The following SLC38A1 variants were observed in gnomAD, a reference collection of about 807,000 sequenced individuals.
SLC38A1 encodes sodium-coupled neutral amino acid symporter 1.
SLC38A1 carries 18 observed loss-of-function variants against 60.3 expected under a neutral mutation model. The observed-to-expected ratio is 0.30, with a 90% CI of 0.21 to 0.44. The LOEUF (loss-of-function observed/expected upper bound fraction) is 0.44, where lower values mean the gene tolerates loss of function less well. Ranked by LOEUF, SLC38A1 falls within the 20% of genes least tolerant of loss-of-function variation. The pLI is 1.00. For missense variants in SLC38A1, 448 were observed against 587.2 expected (o/e 0.76, Z 2.45); for synonymous variants, 196 against 212.1 (o/e 0.92, Z 0.66).
chr12:46,205,209 G>A (rs1939839711), intron 9 of SLC38A1, among the ~76,000 whole-genome samples: 1 of 151,988 alleles, frequency 6.6e-6, no homozygotes, highest in South Asian at 2.1e-4. Context: ...TTTCAACCCA[G>A]GGGAAGAGCT....
chr12:46,203,568 G>T (rs185556217), intron 11 of SLC38A1, among the ~76,000 whole-genome samples: 161 of 152,284 alleles, frequency 1.1e-3, no homozygotes, highest in African/African-American at 3.4e-3. Context: ...CCTCTGAAAA[G>T]AAAATCTGTT....
At chr12:46,250,174 T>C (rs1941784689) in intron 1 of SLC38A1, among the ~76,000 whole-genome samples, 1 of 152,148 alleles carries the variant, frequency 6.6e-6, no homozygotes, top group African/African-American at 2.4e-5. Flanking sequence ...GATGCAAGGT[T>C]GGTTCAACAT....
At chr12:46,214,401 C>A (rs377261007) in intron 5 of SLC38A1, among the ~76,000 whole-genome samples, 1 of 152,134 alleles carries the variant, frequency 6.6e-6, no homozygotes, top group East Asian at 1.9e-4. Context: ...CGTTATTTGT[C>A]AATGTTTTGA....
At position 46,196,182 on chromosome 12, in the gene SLC38A1, C is replaced by T. The variant is rs114140956; in HGVS notation, c.1362+1538G>A. 2.4e-4 allele frequency: 366 copies of T among 1,536,040 alleles called. No individual in the cohort carries two copies. In the African/African-American group the frequency reaches 3.1e-3, roughly 13 times the overall value. ...AGAACACAAGATTATAAGTTCCTTG[C>T]GCTTGAGCATGTTCAGTGAGAGCGC... On this transcript the variant is annotated intron_variant, in intron 16 of 16. Coordinates refer to ENST00000398637, the MANE Select transcript of SLC38A1 (RefSeq NM_030674.4).
At chr12:46,255,720 A>G (rs1489092727) in intron 1 of SLC38A1, among the ~76,000 whole-genome samples, 1 of 152,246 alleles carries the variant, frequency 6.6e-6, no homozygotes, top group Non-Finnish European at 1.5e-5. Context: ...ATTATGTACT[A>G]GGTGTGCAGC....
chr12:46,220,319 A>T (rs552615336), intron 5 of SLC38A1, among the ~76,000 whole-genome samples: 14 of 152,338 alleles, frequency 9.2e-5, no homozygotes, highest in African/African-American at 3.1e-4. Context: ...ACAGACTCTG[A>T]TGTCAATGAT....
At chr12:46,211,623 T>G (rs1940175371) in intron 5 of SLC38A1, among the ~76,000 whole-genome samples, 3 of 152,202 alleles carry the variant, frequency 2.0e-5, no homozygotes, top group Admixed American at 6.5e-5. Flanking sequence ...TTGAGCATCA[T>G]AAACTGCTAT....
chr12:46,224,658 CTTGGCT>C (rs1940796376), intron 5 of SLC38A1, among the ~76,000 whole-genome samples: 1 of 152,176 alleles, frequency 6.6e-6, no homozygotes, highest in Non-Finnish European at 1.5e-5. Context: ...CCAACTGCTT[CTTGGCT>C]TTGAGCAGTT....
In SLC38A1 at chr12:46,268,557, C is replaced by A; in HGVS notation, c.-240G>T. 6.0e-6 allele frequency: 1 copy of A among 166,428 alleles called. No individual in the cohort carries two copies. The highest frequency in any genetic ancestry group is 1.2e-4 in the South Asian group (1 of 8,692). The allele number at this position is 166,428 out of a possible 1,614,324, so 10.3% of individuals were successfully genotyped here. Reference sequence around the variant, plus strand: ...AAATAAAGGGAAAGGTGGCAAAAGGCGATGTGGAGGTGTCCGCCCTTCCGG... The same window carrying A: ...AAATAAAGGGAAAGGTGGCAAAAGGAGATGTGGAGGTGTCCGCCCTTCCGG... On this transcript the variant is annotated 5_prime_UTR_variant, in exon 1 of 17. Coordinates refer to ENST00000398637, the MANE Select transcript of SLC38A1 (RefSeq NM_030674.4). The surrounding 1 kb of genome is among the most constrained non-coding windows in gnomAD (Gnocchi z 4.4).
chr12:46,204,036 A>G (rs1939779187), intron 11 of SLC38A1, among the ~76,000 whole-genome samples: 1 of 152,228 alleles, frequency 6.6e-6, no homozygotes. Flanking sequence ...TTTTTGAAGT[A>G]TCACCTAGCA....
chr12:46,265,062 A>G (rs1345080896), intron 1 of SLC38A1, among the ~76,000 whole-genome samples: 1 of 152,258 alleles, frequency 6.6e-6, no homozygotes, highest in Non-Finnish European at 1.5e-5. Flanking sequence ...CCTCTGGTAG[A>G]TATGTTTAAT....
At chr12:46,236,595 T>C (rs1199264413) in intron 3 of SLC38A1, among the ~76,000 whole-genome samples, 1 of 152,126 alleles carries the variant, frequency 6.6e-6, no homozygotes, top group Non-Finnish European at 1.5e-5. Context: ...AGTCAACACA[T>C]AATTTGTAAT....
At chr12:46,232,810 C>A (rs1442644528) in intron 3 of SLC38A1, among the ~76,000 whole-genome samples, 3 of 152,140 alleles carry the variant, frequency 2.0e-5, no homozygotes, top group Non-Finnish European at 4.4e-5. Context: ...CTCCTGTATA[C>A]TTTAAGTCAT....
intron 5 of SLC38A1, among the ~76,000 whole-genome samples, chr12:46,225,701 C>T (rs1047936504): frequency 3.3e-5 from 5 of 152,130 alleles, no homozygotes; most frequent in Non-Finnish European, 5.9e-5. Context: ...CACTCATGTG[C>T]GCCAGGCTCA....
intron 5 of SLC38A1, among the ~76,000 whole-genome samples, chr12:46,211,104 A>T (rs1448672399): frequency 6.6e-6 from 1 of 152,214 alleles, no homozygotes; most frequent in Admixed American, 6.5e-5. Context: ...TATGTCAAAG[A>T]AGCAAGCTTT....
intron 1 of SLC38A1, chr12:46,267,787 G>A (rs1942405836): frequency 6.6e-6 from 1 of 152,308 alleles, no homozygotes; most frequent in Non-Finnish European, 1.5e-5. Flanking sequence ...CCGCGCAAGA[G>A]GTGGCCTTTT....
chr12:46,246,811 G>A (rs1346471792), intron 1 of SLC38A1, among the ~76,000 whole-genome samples: 1 of 152,184 alleles, frequency 6.6e-6, no homozygotes, highest in East Asian at 1.9e-4. Context: ...AGCTTCCAGA[G>A]GAAGGATCAG....
intron 14 of SLC38A1, among the ~76,000 whole-genome samples, chr12:46,198,288 C>T (rs921183273): frequency 2.0e-5 from 3 of 152,120 alleles, no homozygotes; most frequent in African/African-American, 7.2e-5. Context: ...GGTGTAATTT[C>T]TGTCTTTGGT....
chr12:46,192,594 T>C (rs1052879615), intron 16 of SLC38A1, among the ~76,000 whole-genome samples: 14 of 152,196 alleles, frequency 9.2e-5, no homozygotes, highest in Admixed American at 2.6e-4. Flanking sequence ...CTATTATTTA[T>C]TGCCTCAATT....
Sources: gnomAD v4.1 joint callset for allele counts (sites outside exome capture counted in the v4.1 genomes callset) on GRCh38, gnomAD v4.1.1 for gene constraint, Gnocchi (gnomAD v3.1) non-coding constraint, MANE v1.5 for transcripts, NCBI Gene and HGNC (gene_info 2026-07-23, HGNC 2026-07-21) for gene names.